The following AGBL4 variants were observed in gnomAD, a reference collection of about 807,000 sequenced individuals.
AGBL4 encodes the protein cytosolic carboxypeptidase 6.
A neutral mutation model predicts 66.4 loss-of-function variants in AGBL4; 58 were observed. That is an observed-to-expected ratio of 0.87 (90% confidence interval 0.71 to 1.09). AGBL4 has a LOEUF of 1.09. Ranked by LOEUF, AGBL4 falls within the 50% of genes least tolerant of loss-of-function variation. The pLI is 0.00. For synonymous variants in AGBL4, 234 were observed against 222.9 expected, an observed-to-expected ratio of 1.05 and a Z score of -0.44; for missense variants, 579 against 631.0, an observed-to-expected ratio of 0.92 and a Z score of 0.88.
At chr1:49,174,295 C>G (rs1646792416) in intron 4 of AGBL4, among the ~76,000 whole-genome samples, 1 of 151,914 alleles carries the variant, frequency 6.6e-6, no homozygotes. Context: ...AGTTGATATT[C>G]AGGAGAAAAG....
At chr1:49,618,164 T>C (rs1645286053) in intron 3 of AGBL4, among the ~76,000 whole-genome samples, 1 of 152,160 alleles carries the variant, frequency 6.6e-6, no homozygotes, top group Non-Finnish European at 1.5e-5. Context: ...TTCATCCATA[T>C]CCCTGCAAAG....
chr1:49,618,428 A>C (rs1019602244), intron 3 of AGBL4, among the ~76,000 whole-genome samples: 1 of 136,888 alleles, frequency 7.3e-6, no homozygotes, highest in South Asian at 2.2e-4. Flanking sequence ...GAAGAAGTCG[A>C]ATCCCTAAAT....
intron 3 of AGBL4, among the ~76,000 whole-genome samples, chr1:49,669,992 T>C (rs1219229677): frequency 1.3e-5 from 2 of 152,118 alleles, no homozygotes; most frequent in East Asian, 3.9e-4. Context: ...CTAGCAAGTA[T>C]TAGCATTTAA....
At chr1:49,197,471 C>T (rs1647321181) in intron 4 of AGBL4, among the ~76,000 whole-genome samples, 1 of 152,170 alleles carries the variant, frequency 6.6e-6, no homozygotes, top group Non-Finnish European at 1.5e-5. Flanking sequence ...ACAGGGGTAG[C>T]AGTAGAGTTT....
At chr1:48,608,892 C>G (rs961523903) in intron 9 of AGBL4, among the ~76,000 whole-genome samples, 1 of 152,034 alleles carries the variant, frequency 6.6e-6, no homozygotes, top group Admixed American at 6.6e-5. Context: ...TTGTATGGTA[C>G]TTTGTAATAT....
chr1:49,474,824 T>C (rs1646815169), intron 3 of AGBL4, among the ~76,000 whole-genome samples: 1 of 152,032 alleles, frequency 6.6e-6, no homozygotes, highest in Non-Finnish European at 1.5e-5. Flanking sequence ...TTGAAATAAC[T>C]GGAGTGTTGT....
chr1:49,276,028 G>C (rs1644160482), intron 3 of AGBL4, among the ~76,000 whole-genome samples: 1 of 151,836 alleles, frequency 6.6e-6, no homozygotes, highest in African/African-American at 2.4e-5. Context: ...CTGGTCTGTA[G>C]ACTACTCCAG....
At chr1:49,710,954 G>T (rs1355262487) in intron 2 of AGBL4, among the ~76,000 whole-genome samples, 1 of 151,914 alleles carries the variant, frequency 6.6e-6, no homozygotes, top group Admixed American at 6.6e-5. Flanking sequence ...AGATTTATGA[G>T]TTGCCAGGAA....
chr1:48,812,934 G>C (rs1646086932), intron 6 of AGBL4, among the ~76,000 whole-genome samples: 1 of 151,950 alleles, frequency 6.6e-6, no homozygotes, highest in Non-Finnish European at 1.5e-5. Flanking sequence ...CACAGGAAGG[G>C]GAACATCACA....
intron 5 of AGBL4, among the ~76,000 whole-genome samples, chr1:49,026,284 A>G (rs1663679305): frequency 6.6e-6 from 1 of 152,194 alleles, no homozygotes; most frequent in East Asian, 1.9e-4. Flanking sequence ...ATTTAAAATA[A>G]TATACATTAC....
intron 5 of AGBL4, among the ~76,000 whole-genome samples, chr1:49,009,949 T>C (rs1662250412): frequency 6.6e-6 from 1 of 151,842 alleles, no homozygotes. Flanking sequence ...ACTGGAAGCA[T>C]TCCCTTTGAA....
chr1:49,321,975 A>T (rs1479906712), intron 3 of AGBL4, among the ~76,000 whole-genome samples: 2 of 152,210 alleles, frequency 1.3e-5, no homozygotes, highest in African/African-American at 2.4e-5. Flanking sequence ...TACTACAAAA[A>T]TGGTGAAAAC....
At chr1:49,799,294 A>T (rs1644803393) in intron 2 of AGBL4, among the ~76,000 whole-genome samples, 1 of 152,134 alleles carries the variant, frequency 6.6e-6, no homozygotes, top group African/African-American at 2.4e-5. Context: ...AATCAAATTA[A>T]AAAAAATCCA....
intron 3 of AGBL4, among the ~76,000 whole-genome samples, chr1:49,370,800 T>C: frequency 6.6e-6 from 1 of 152,190 alleles, no homozygotes; most frequent in East Asian, 1.9e-4. Context: ...GCTTCTATTT[T>C]CAATACCTTC....
Position 49,382,425 on chromosome 1 carries a change from T to C in AGBL4, c.283-136561A>G, listed in dbSNP as rs866847832. Among the ~76,000 whole-genome samples the C allele has an allele frequency of 3.3e-5, 5 of 152,088 alleles. No individual in the cohort carries two copies. The South Asian group carries it at 1.0e-3, about 32-fold the overall frequency. On this transcript the variant is annotated intron_variant, in intron 3 of 13. Transcript: ENST00000371839. ...GGGGAAACTACACGATCAATTCAGT[T>C]GATAGAGAAAAAAAATTTTTTGACA...
In AGBL4 at chr1:48,811,487, G is replaced by T. The variant is rs115951220; in HGVS notation, c.634+55704C>A. 4.6e-3 allele frequency among the ~76,000 whole-genome samples: 697 copies of T among 152,202 alleles called. 6 individuals are homozygous for T. Among genetic ancestry groups the T allele is most frequent in the African/African-American group, 0.016 (666 of 41,522 alleles). On this transcript the variant is annotated intron_variant, in intron 6 of 13. Transcript: ENST00000371839. ...TAACTGTTTCAAATTCAAATGTTCTGGTCTGATAATTAGGGTCTAAGATCT... is the reference window on the plus strand; with the variant it reads ...TAACTGTTTCAAATTCAAATGTTCTTGTCTGATAATTAGGGTCTAAGATCT...
At chr1:49,552,388 C>T (rs1397277932) in intron 3 of AGBL4, among the ~76,000 whole-genome samples, 1 of 152,190 alleles carries the variant, frequency 6.6e-6, no homozygotes, top group Non-Finnish European at 1.5e-5. Context: ...GTGTTTGCCC[C>T]CCTGCTCCTC....
rs1291283171 is a variant in AGBL4 at position 48,774,351 on chromosome 1, G to A, written c.634+92840C>T. On this transcript the variant is annotated intron_variant, in intron 6 of 13. Transcript: ENST00000371839. ...GGAAGGGGTTTGAAGATACATAGGA[G>A]TTATTCCAGGGTAATGAATTCCCGA... is the stretch of plus-strand genomic sequence containing the variant. 5.1e-4 allele frequency among the ~76,000 whole-genome samples: 78 copies of A among 152,296 alleles called. 1 individual carries two copies. Among genetic ancestry groups the A allele is most frequent in the Non-Finnish European group, 1.2e-4 (8 of 68,012 alleles).
At chr1:49,380,211 C>A (rs939558303) in intron 3 of AGBL4, among the ~76,000 whole-genome samples, 31 of 152,032 alleles carry the variant, frequency 2.0e-4, no homozygotes, top group East Asian at 9.7e-4. Flanking sequence ...CCAATAACAG[C>A]CAAACAGAGA....
Sources: allele counts gnomAD v4.1 joint callset (sites outside exome capture counted in the v4.1 genomes callset), GRCh38; gene constraint gnomAD v4.1.1; transcripts MANE v1.5; gene names NCBI Gene and HGNC (gene_info 2026-07-23, HGNC 2026-07-21).